The following KBTBD12 variants were observed in gnomAD, a reference collection of about 807,000 sequenced individuals.
The protein encoded by KBTBD12 is kelch repeat and BTB domain containing 12.
Under a neutral mutation model 58.7 loss-of-function variants are expected in KBTBD12, and 53 were observed. The ratio of observed to expected loss-of-function variants is 0.90; its 90% CI spans 0.72 to 1.14. The LOEUF (loss-of-function observed/expected upper bound fraction) is 1.14, where lower values mean the gene tolerates loss of function less well. Ranked by LOEUF, KBTBD12 falls within the 50% of genes most tolerant of loss-of-function variation. KBTBD12 has a pLI of 0.00. For missense variants in KBTBD12, 704 were observed against 751.3 expected, an observed-to-expected ratio of 0.94 and a Z score of 0.74; for synonymous variants, 236 against 259.8, an observed-to-expected ratio of 0.91 and a Z score of 0.88.
At chr3:127,916,884 G>A (rs1223356356) in intron 1 of KBTBD12, among the ~76,000 whole-genome samples, 1 of 152,152 alleles carries the variant, frequency 6.6e-6, no homozygotes, top group Non-Finnish European at 1.5e-5. Flanking sequence ...ATAAGCAAGG[G>A]AGTCACTTCA....
chr3:127,949,545 T>C (rs935902596), intron 4 of KBTBD12, among the ~76,000 whole-genome samples: 1 of 152,204 alleles, frequency 6.6e-6, no homozygotes, highest in Admixed American at 6.5e-5. Flanking sequence ...TTGTCCTAGT[T>C]GGAATTATTA....
chr3:127,926,371 G>A (rs144268182), intron 2 of KBTBD12, among the ~76,000 whole-genome samples: 29 of 152,114 alleles, frequency 1.9e-4, no homozygotes, highest in Non-Finnish European at 3.8e-4. Context: ...GCTTTACTTT[G>A]GTAGCCCCCA....
At chr3:127,975,992 G>C (rs1283153820) in intron 5 of KBTBD12, among the ~76,000 whole-genome samples, 1 of 152,172 alleles carries the variant, frequency 6.6e-6, no homozygotes, top group African/African-American at 2.4e-5. Flanking sequence ...TGAATACCCA[G>C]ATTCACCTAT....
intron 4 of KBTBD12, among the ~76,000 whole-genome samples, chr3:127,945,164 CTTTTTTTTTTTTTTTTTTTTT>C (rs56216317): frequency 4.2e-4 from 12 of 28,772 alleles, no homozygotes; most frequent in East Asian, 2.0e-3. Context: ...TAGTAGCTAT[CTTTTTTTTTTTTTTTTTTTTT>C]TTTTTTTTTT....
At chr3:127,977,517 G>A (rs1482614525) in intron 5 of KBTBD12, among the ~76,000 whole-genome samples, 1 of 152,048 alleles carries the variant, frequency 6.6e-6, no homozygotes, top group Non-Finnish European at 1.5e-5. Context: ...TTTAATAATA[G>A]CCATTATGAC....
chr3:127,920,323 A>C (rs1393538177), intron 1 of KBTBD12, among the ~76,000 whole-genome samples: 1 of 151,980 alleles, frequency 6.6e-6, no homozygotes, highest in Non-Finnish European at 1.5e-5. Context: ...TGTATATTCT[A>C]CAGTCTTTTT....
intron 5 of KBTBD12, among the ~76,000 whole-genome samples, chr3:127,972,075 G>A (rs1940692998): frequency 6.6e-6 from 1 of 152,186 alleles, no homozygotes; most frequent in Non-Finnish European, 1.5e-5. Context: ...AACCAATGCA[G>A]ATTAAAATTG....
chr3:127,978,397 G>A (rs2107617304), intron 5 of KBTBD12, among the ~76,000 whole-genome samples: 1 of 152,236 alleles, frequency 6.6e-6, no homozygotes, highest in Middle Eastern at 3.4e-3. Flanking sequence ...AATGGTAGTG[G>A]GCAGACTGGG....
chr3:127,927,920 C>T lies in KBTBD12; in HGVS notation c.1227C>T (p.Tyr409=), dbSNP rs1226441390. ...QYLITNCVDK[Y]SVERDNWKRV... is the part of the protein sequence containing the mutation. ...TTATTACAAACTGTGTTGATAAGTA[C>T]TCTGTAGAACGGGACAATTGGAAAA... Residue 409 remains tyrosine (Y), a synonymous_variant, in exon 3 of 6, where the codon TAC becomes TAT. Transcript: ENST00000405109. The T allele has an allele frequency of 3.1e-6, 5 of 1,613,202 alleles. No individual in the cohort carries two copies. The highest frequency in any genetic ancestry group is 1.3e-5 in the African/African-American group (1 of 74,890).
chr3:127,978,645 C>T (rs993615894), intron 5 of KBTBD12, among the ~76,000 whole-genome samples: 3 of 152,168 alleles, frequency 2.0e-5, no homozygotes, highest in African/African-American at 7.2e-5. Flanking sequence ...ACCCCACCCC[C>T]TTCCCAAGCT....
At chr3:127,964,898 T>C (rs1239679297) in intron 5 of KBTBD12, among the ~76,000 whole-genome samples, 1 of 152,210 alleles carries the variant, frequency 6.6e-6, no homozygotes, top group Non-Finnish European at 1.5e-5. Context: ...GTAAAGACTG[T>C]AATCTATCAT....
At chr3:127,953,238 C>T (rs1576385254) in intron 4 of KBTBD12, among the ~76,000 whole-genome samples, 3 of 152,104 alleles carry the variant, frequency 2.0e-5, no homozygotes, top group Admixed American at 6.5e-5. Context: ...ATGTTCAGCC[C>T]GTCATCTTAT....
In KBTBD12 at chr3:127,937,172, A is replaced by AAAC. The variant is rs3073944; in HGVS notation, c.1492+6928_1492+6930dup. ...AGAACTGGTGGAAATAATGGCCAGA[A>AAAC]AACAACAACAACAACAACAACAACA... is the stretch of plus-strand genomic sequence containing the variant. On this transcript the variant is annotated intron_variant, in intron 4 of 5. Coordinates refer to ENST00000405109, the MANE Select transcript of KBTBD12 (RefSeq NM_207335.4). Among the ~76,000 whole-genome samples, 1,119 of 150,420 alleles carry AAAC rather than the reference A, an allele frequency of 7.4e-3. 6 individuals carry two copies. Among genetic ancestry groups the AAAC allele is most frequent in the Admixed American group, 0.013 (192 of 15,056 alleles).
intron 5 of KBTBD12, among the ~76,000 whole-genome samples, chr3:127,965,650 C>T (rs571212854): frequency 8.5e-5 from 13 of 152,230 alleles, no homozygotes; most frequent in African/African-American, 2.2e-4. Context: ...GGGATACAAT[C>T]GAGATTTTCA....
chr3:127,962,875 A>C (rs1046011421), intron 4 of KBTBD12, among the ~76,000 whole-genome samples: 3 of 152,232 alleles, frequency 2.0e-5, no homozygotes, highest in African/African-American at 7.2e-5. Flanking sequence ...CAACCCTGAA[A>C]TTCTTATTAT....
intron 1 of KBTBD12, among the ~76,000 whole-genome samples, chr3:127,918,629 G>T (rs545971379): frequency 9.2e-5 from 14 of 151,786 alleles, no homozygotes; most frequent in African/African-American, 3.4e-4. Context: ...GGAGAATGCC[G>T]TGAACCCAGG....
Position 127,984,380 on chromosome 3 carries a change from G to T in KBTBD12, c.*102G>T. On this transcript the variant is annotated 3_prime_UTR_variant, in exon 6 of 6. Coordinates refer to ENST00000405109, the MANE Select transcript of KBTBD12 (RefSeq NM_207335.4). ...CATGCCAGTCATGTGCACTGCATGC[G>T]TAGTGGCCTGTGTGTGAAGAAGCAG... 1 of 1,073,964 alleles carries T rather than the reference G, an allele frequency of 9.3e-7. No homozygotes were observed. The allele number at this position is 1,073,964 out of a possible 1,614,324, so 66.5% of individuals were successfully genotyped here.
At chr3:127,962,769 G>A (rs897890064) in intron 4 of KBTBD12, among the ~76,000 whole-genome samples, 9 of 152,256 alleles carry the variant, frequency 5.9e-5, no homozygotes, top group Middle Eastern at 3.4e-3. Context: ...CAATGATAAG[G>A]GATGGGAAGA....
At chr3:127,968,594 T>G (rs968767269) in intron 5 of KBTBD12, among the ~76,000 whole-genome samples, 1 of 152,190 alleles carries the variant, frequency 6.6e-6, no homozygotes. Context: ...AAATGAAAAG[T>G]TGGCTTACCA....
Sources: gnomAD v4.1 joint callset for allele counts (sites outside exome capture counted in the v4.1 genomes callset) on GRCh38, gnomAD v4.1.1 for gene constraint, MANE v1.5 for transcripts, NCBI Gene and HGNC (gene_info 2026-07-23, HGNC 2026-07-21) for gene names.